Variants in HPGDS observed in about 807,000 individuals in gnomAD.
HPGDS encodes the protein hematopoietic prostaglandin D synthase.
In HPGDS, 26 loss-of-function variants were observed where a neutral mutation model predicts 23.1. The observed-to-expected ratio is 1.13, with a 90% CI of 0.83 to 1.56. The LOEUF is 1.56. Among genes scored for constraint, HPGDS ranks in the 40% most tolerant of loss-of-function variants. The pLI is 0.00. For missense variants in HPGDS, 268 were observed against 236.4 expected (o/e 1.13, Z -0.88); for synonymous variants, 95 against 77.9 (o/e 1.22, Z -1.16).
chr4:94,325,571 G>T (rs1048407000), intron 2 of HPGDS, among the ~76,000 whole-genome samples: 1 of 152,216 alleles, frequency 6.6e-6, no homozygotes, highest in Admixed American at 6.5e-5. Context: ...GGCTCCGTGG[G>T]CATGGGACCC....
Position 94,301,048 on chromosome 4 carries a change from G to A in HPGDS, c.435+1098C>T, listed in dbSNP as rs1756031011. On this transcript the variant is annotated intron_variant, in intron 5 of 5. Transcript: ENST00000295256. ...CTTAGAAATTTTTCAATAGGGCAGG[G>A]AGAGGAGCATTTTAGTAAAGGCTAT... 2.6e-5 allele frequency among the ~76,000 whole-genome samples: 4 copies of A among 152,148 alleles called. No homozygotes were observed. In the South Asian group the frequency reaches 8.3e-4, roughly 32 times the overall value.
chr4:94,311,490 A>T (rs918403127), intron 3 of HPGDS, among the ~76,000 whole-genome samples: 1 of 151,342 alleles, frequency 6.6e-6, no homozygotes, highest in Non-Finnish European at 1.5e-5. Context: ...AATGAAGCCC[A>T]CTTGATCATG....
At chr4:94,326,034 A>G (rs1315582944) in intron 2 of HPGDS, among the ~76,000 whole-genome samples, 2 of 151,632 alleles carry the variant, frequency 1.3e-5, no homozygotes, top group East Asian at 3.9e-4. Flanking sequence ...CTGGCCTCTA[A>G]AATTTCTGCT....
At chr4:94,335,189 T>G (rs923223751) in intron 1 of HPGDS, among the ~76,000 whole-genome samples, 6 of 152,176 alleles carry the variant, frequency 3.9e-5, no homozygotes, top group Non-Finnish European at 7.3e-5. Context: ...AGGGAAACAC[T>G]GCTCTCTGGT....
Position 94,334,574 on chromosome 4 carries a change from C to T in HPGDS, c.56G>A (p.Arg19His), listed in dbSNP as rs148462970. The change falls in exon 2 of 6, where the codon CGT (arginine) becomes CAT (histidine). Residue 19 changes from arginine to histidine, a missense_variant. Coordinates refer to ENST00000295256, the MANE Select transcript of HPGDS (RefSeq NM_014485.3). Reference sequence around the variant, plus strand: ...TATGTCCAAATAAGCAAATATGTAACGAATAATTTCTGCTCTCCCCCTCAT... The same window carrying T: ...TATGTCCAAATAAGCAAATATGTAATGAATAATTTCTGCTCTCCCCCTCAT... ...FNMRGRAEII[R>H]YIFAYLDIQY... is the part of the protein sequence containing the mutation. 1.1e-4 allele frequency: 170 copies of T among 1,612,852 alleles called. No individual in the cohort carries two copies. Among genetic ancestry groups the T allele is most frequent in the Admixed American group, 1.7e-4 (10 of 59,936 alleles).
At chr4:94,334,335 G>T in intron 2 of HPGDS, 162 bp downstream of exon 2, 1 of 531,290 alleles carries the variant, frequency 1.9e-6, no homozygotes, top group African/African-American at 2.0e-5. Context: ...CCTCTAATAG[G>T]AAATTTGCTT....
At chr4:94,341,204 A>G (rs1448954249) in intron 1 of HPGDS, among the ~76,000 whole-genome samples, 2 of 152,168 alleles carry the variant, frequency 1.3e-5, no homozygotes, top group Non-Finnish European at 2.9e-5. Flanking sequence ...AAACTAACTA[A>G]TACAATGCTG....
At chr4:94,323,482 C>T (rs988995498) in intron 2 of HPGDS, among the ~76,000 whole-genome samples, 1 of 152,198 alleles carries the variant, frequency 6.6e-6, no homozygotes, top group Non-Finnish European at 1.5e-5. Flanking sequence ...ATAGTTAGCT[C>T]TTCTTGTTGA....
chr4:94,316,784 C>G (rs1345408934), intron 3 of HPGDS, among the ~76,000 whole-genome samples: 2 of 152,234 alleles, frequency 1.3e-5, no homozygotes, highest in Admixed American at 6.5e-5. Flanking sequence ...GGGACCCACC[C>G]AAGGTCTACT....
intron 2 of HPGDS, among the ~76,000 whole-genome samples, chr4:94,329,296 C>T (rs551374015): frequency 2.7e-4 from 41 of 152,210 alleles, no homozygotes; most frequent in African/African-American, 9.1e-4. Flanking sequence ...GGTCACACAC[C>T]TGGTAAAGGT....
intron 2 of HPGDS, among the ~76,000 whole-genome samples, chr4:94,319,005 G>A (rs757701384): frequency 8.5e-5 from 13 of 152,122 alleles, no homozygotes; most frequent in Admixed American, 6.6e-4. Context: ...GAGCAACCAC[G>A]CCTGGCCTAT....
rs985442071 is a variant in HPGDS at position 94,299,169 on chromosome 4, G to A, written c.*311C>T. The A allele has an allele frequency of 8.7e-5, 18 of 207,252 alleles. No individual in the cohort carries two copies. In the East Asian group the frequency reaches 1.3e-3, roughly 15 times the overall value. The allele number at this position is 207,252 out of a possible 1,614,324, so 12.8% of individuals were successfully genotyped here. ...TGAAGTCCAAAACATTTTGGGGGAG[G>A]GGAAGAATGGTGTTGCTAAACCATT... On this transcript the variant is annotated 3_prime_UTR_variant, in exon 6 of 6. Transcript: ENST00000295256.
chr4:94,313,948 C>G (rs1161435801), intron 3 of HPGDS, among the ~76,000 whole-genome samples: 1 of 152,132 alleles, frequency 6.6e-6, no homozygotes, highest in Admixed American at 6.6e-5. Flanking sequence ...GAAGCTTGTG[C>G]ATTCATCATG....
chr4:94,300,761 C>T (rs1756024693), intron 5 of HPGDS, among the ~76,000 whole-genome samples: 2 of 151,594 alleles, frequency 1.3e-5, no homozygotes, highest in Non-Finnish European at 2.9e-5. Context: ...TGGACTATGA[C>T]ATGGTCAGAG....
At chr4:94,309,886 A>G (rs1338974390) in intron 3 of HPGDS, among the ~76,000 whole-genome samples, 2 of 152,164 alleles carry the variant, frequency 1.3e-5, no homozygotes, top group Non-Finnish European at 2.9e-5. Context: ...GCCAGTGATG[A>G]CGAGCATTTT....
chr4:94,309,896 T>C (rs1756225358), intron 3 of HPGDS, among the ~76,000 whole-genome samples: 1 of 152,234 alleles, frequency 6.6e-6, no homozygotes, highest in South Asian at 2.1e-4. Context: ...ACGAGCATTT[T>C]TTCATGTGTC....
At chr4:94,331,752 A>G (rs149353767) in intron 2 of HPGDS, among the ~76,000 whole-genome samples, 279 of 152,290 alleles carry the variant, frequency 1.8e-3, no homozygotes, top group African/African-American at 6.4e-3. Flanking sequence ...TTGTCCCAGA[A>G]GCCTCTGGTC....
chr4:94,323,975 C>T (rs1361309975), intron 2 of HPGDS, among the ~76,000 whole-genome samples: 1 of 152,286 alleles, frequency 6.6e-6, no homozygotes, highest in South Asian at 2.1e-4. Flanking sequence ...AATCTCTCAG[C>T]ATTTGCTTCT....
chr4:94,325,529 C>T (rs897249328), intron 2 of HPGDS, among the ~76,000 whole-genome samples: 19 of 152,164 alleles, frequency 1.2e-4, no homozygotes, highest in Non-Finnish European at 1.8e-4. Flanking sequence ...CCTTGCAGTT[C>T]GATCTCAAAC....
Sources: allele counts gnomAD v4.1 joint callset (sites outside exome capture counted in the v4.1 genomes callset), GRCh38; gene constraint gnomAD v4.1.1; transcripts MANE v1.5; gene names NCBI Gene and HGNC (gene_info 2026-07-23, HGNC 2026-07-21).